The following SRCAP variants were observed in gnomAD, a reference collection of about 807,000 sequenced individuals.
SRCAP encodes chromatin remodeling protein SRCAP.
Under a neutral mutation model 263.1 loss-of-function variants are expected in SRCAP, and 46 were observed. The ratio of observed to expected loss-of-function variants is 0.17; its 90% CI spans 0.14 to 0.22. The LOEUF is 0.22. Ranked by LOEUF, SRCAP falls within the 10% of genes least tolerant of loss-of-function variation. The probability of loss-of-function intolerance (pLI) is 1.00; values close to 1 mark genes in which losing one functional copy is unlikely to be tolerated. For missense variants in SRCAP, 3,695 were observed against 4,181.9 expected, an observed-to-expected ratio of 0.88 and a Z score of 3.21; for synonymous variants, 1,813 against 1,662.1, an observed-to-expected ratio of 1.09 and a Z score of -2.21.
rs760413812 is a variant in SRCAP at position 30,710,417 on chromosome 16, A to G, written c.1134+289A>G. 2.8e-4 allele frequency: 181 copies of G among 655,396 alleles called. 1 individual carries two copies. The highest frequency in any genetic ancestry group is 4.2e-4 in the Non-Finnish European group (154 of 363,500). 40.6% of individuals were successfully genotyped at this position (655,396 alleles called of 1,614,324 possible). A position where few individuals can be genotyped will look rare whatever the true frequency, so the allele number is the denominator to read the frequency against. ...ACCGTTACTTGCCACTTCTCTGAAC[A>G]TGCCCTAATGTTCCCTTATTGGCTT... On this transcript the variant is annotated intron_variant, in intron 8 of 33. Coordinates refer to ENST00000262518, the MANE Select transcript of SRCAP (RefSeq NM_006662.3).
Position 30,733,581 on chromosome 16 carries a change from T to A in SRCAP, c.6298-21T>A, listed in dbSNP as rs1489384337. ...GGGGGATAAGTCTCCCAGTATCATC[T>A]TTTTTTCCCTTTCCTTCTAGGCCTT... is the stretch of plus-strand genomic sequence containing the variant. On this transcript the variant is annotated intron_variant, in intron 28 of 33. Coordinates refer to ENST00000262518, the MANE Select transcript of SRCAP (RefSeq NM_006662.3). The surrounding 1 kb of genome is among the most constrained non-coding windows in gnomAD (Gnocchi z 5.3). The A allele has an allele frequency of 6.2e-7, 1 of 1,604,286 alleles. No individual in the cohort carries two copies. The highest frequency in any genetic ancestry group is 1.3e-5 in the African/African-American group (1 of 74,602).
rs2053033543 is a variant in SRCAP at position 30,723,682 on chromosome 16, T to C, written c.4258T>C (p.Ser1420Pro). 1.2e-6 allele frequency: 2 copies of C among 1,613,844 alleles called. No individual in the cohort carries two copies. Among genetic ancestry groups the C allele is most frequent in the South Asian group, 1.1e-5 (1 of 91,076 alleles). Residue 1420 changes from serine to proline, a missense_variant, in exon 25 of 34, where the codon TCC (serine) becomes CCC (proline). Physicochemically the swap from Ser to Pro is moderately conservative, Grantham distance 74. Coordinates refer to ENST00000262518, the MANE Select transcript of SRCAP (RefSeq NM_006662.3). The stretch of plus-strand genomic sequence containing the variant: ...CTCTTCTCCAATGCCAATTCCCAAC[T>C]CCTCTCCCCTTGCTAGTCCTGTGTC... ...PASSPMPIPN[S>P]SPLASPVSST...
Position 30,720,237 on chromosome 16 carries a change from C to A in SRCAP, c.2893C>A (p.Pro965Thr), listed in dbSNP as rs2052997424. Residue 965 changes from proline to threonine, a missense_variant, in exon 19 of 34, where the codon CCC (proline) becomes ACC (threonine). Around this residue, in one of 12 missense-constraint regions of SRCAP, gnomAD observed 147 missense variants for 212.7 expected, o/e 0.69. Transcript: ENST00000262518. The part of the protein sequence containing the change: ...VSRYEADTFL[P>T]RHRLSRRVLL... Reference sequence around the variant, plus strand: ...TCGATATGAGGCAGACACATTTCTGCCCCGGCACCGCCTCTCTCGCCGGGT... The same window carrying A: ...TCGATATGAGGCAGACACATTTCTGACCCGGCACCGCCTCTCTCGCCGGGT... 1 of 1,614,056 alleles carries A rather than the reference C, an allele frequency of 6.2e-7. No homozygotes were observed. The highest frequency in any genetic ancestry group is 1.3e-5 in the African/African-American group (1 of 75,046).
chr16:30,738,993 C>T lies in SRCAP; in HGVS notation c.8953C>T (p.Pro2985Ser). ...CCCACTCCCACCACTGCTAGTTTGT[C>T]CCACTGCTACTGTTGCCAACACTGT... ...LTPLPPLLVC[P>S]TATVANTVTT... is the part of the protein sequence containing the mutation. The change falls in exon 34 of 34, where the codon CCC becomes TCC. Residue 2985 changes from proline to serine, a missense_variant. Coordinates refer to ENST00000262518, the MANE Select transcript of SRCAP (RefSeq NM_006662.3). The T allele has an allele frequency of 3.1e-6, 5 of 1,614,016 alleles. No individual in the cohort carries two copies. The highest frequency in any genetic ancestry group is 4.2e-6 in the Non-Finnish European group (5 of 1,179,950).
rs140349444 is a variant in SRCAP at position 30,712,438 on chromosome 16, A to G, written c.1992A>G (p.Lys664=). 6.3e-5 allele frequency: 98 copies of G among 1,567,962 alleles called. No individual in the cohort carries two copies. The highest frequency in any genetic ancestry group is 8.2e-5 in the Non-Finnish European group (95 of 1,159,192). The change falls in exon 13 of 34, where the codon AAA becomes AAG. Residue 664 remains lysine, a splice_region_variant and synonymous_variant. Transcript: ENST00000262518. ...TGCTTGCCCACTTGGCTTGTGAGAA[A>G]GGTAAGTAGGCAAGGCCCCTTCTTT... The part of the protein sequence containing the change: ...ISLLAHLACE[K]GNWGPHLIIV...
rs761674849 is a variant in SRCAP, at chr16:30,724,476, C to G, written c.5052C>G (p.Ala1684=). The G allele has an allele frequency of 1.9e-6, 3 of 1,614,220 alleles. No homozygotes were observed. In the South Asian group the frequency reaches 3.3e-5, roughly 18 times the overall value. ...CTTCTACGCAGACACTGGCCCTAGC[C>G]CCAGCTTTAGCACCCACTCTTGGAG... The part of the protein sequence containing the change: ...SPASTQTLAL[A]PALAPTLGGS... The change falls in exon 25 of 34, where the codon GCC becomes GCG. Residue 1684 remains alanine, a synonymous_variant. Transcript: ENST00000262518.
At chr16:30,716,643 T>C (rs1008496745) in intron 18 of SRCAP, among the ~76,000 whole-genome samples, 164 bp downstream of exon 18, 1 of 152,214 alleles carries the variant, frequency 6.6e-6, no homozygotes, top group Admixed American at 6.5e-5. Flanking sequence ...ATGGTTCAAC[T>C]TAATATTTTT....
intron 12 of SRCAP, 27 bp from the exon 13 acceptor site, chr16:30,712,235 G>T (rs200135514): frequency 1.3e-6 from 2 of 1,594,980 alleles, no homozygotes; most frequent in African/African-American, 2.7e-5. Context: ...CATTTCCATT[G>T]TGTTACCTAT....
intron 1 of SRCAP, 132 bp downstream of exon 1, chr16:30,699,374 C>G: frequency 2.5e-6 from 1 of 393,340 alleles, no homozygotes. Context: ...CTGTTTCCGG[C>G]GCGTGGTTCT....
chr16:30,735,861 G>A (rs1352661334), intron 31 of SRCAP, among the ~76,000 whole-genome samples: 1 of 151,534 alleles, frequency 6.6e-6, no homozygotes, highest in Non-Finnish European at 1.5e-5. Flanking sequence ...TTATAGGATT[G>A]AGCCACTGCG....
rs373319960 is a variant in SRCAP at position 30,710,058 on chromosome 16, C to T, written c.1064C>T (p.Ser355Leu). Reference sequence around the variant, plus strand: ...CCTTCCAGCCCCTCTCAAACCCCCTCATCTCATGATAGTGACACCCGAGAT... The same window carrying T: ...CCTTCCAGCCCCTCTCAAACCCCCTTATCTCATGATAGTGACACCCGAGAT... ...EGPSSPSQTP[S>L]SHDSDTRDGP... The change falls in exon 8 of 34, where the codon TCA (serine) becomes TTA (leucine). Residue 355 changes from serine to leucine, a missense_variant. Physicochemically the swap from Ser to Leu is moderately radical, Grantham distance 145 (BLOSUM62 -2). Around this residue, in one of 12 missense-constraint regions of SRCAP, gnomAD observed 288 missense variants for 302.4 expected, o/e 0.95. Transcript: ENST00000262518. 31 of 1,614,026 alleles carry T rather than the reference C, an allele frequency of 1.9e-5. No individual in the cohort carries two copies. The highest frequency in any genetic ancestry group is 2.5e-5 in the Non-Finnish European group (29 of 1,180,044).
Position 30,713,081 on chromosome 16 carries a change from A to AC in SRCAP, c.2131-127_2131-126insC, listed in dbSNP as rs2052910129. ...AGGCCCCTCCTCTTTCTGTCGCTCC[A>AC]TTCTTTTGCTGGGACTTTCTCTTTT... is the stretch of plus-strand genomic sequence containing the variant. On this transcript the variant is annotated intron_variant, in intron 14 of 33. Transcript: ENST00000262518. 5 of 1,136,424 alleles carry AC rather than the reference A, an allele frequency of 4.4e-6. No homozygotes were observed. In the East Asian group the frequency reaches 9.4e-5, roughly 21 times the overall value. The allele number at this position is 1,136,424 out of a possible 1,614,324, so 70.4% of individuals were successfully genotyped here. A position where few individuals can be genotyped will look rare whatever the true frequency, so the allele number is the denominator to read the frequency against.
In SRCAP at chr16:30,713,724, A is replaced by G. The variant is rs373123315; in HGVS notation, c.2493+13A>G. ...ACGCCTCCACAAGGTAGGGCCTGCA[A>G]CAGTTTGTCAGGGTATTGGGAATGG... On this transcript the variant is annotated intron_variant, in intron 16 of 33. Transcript: ENST00000262518. The G allele has an allele frequency of 1.9e-5, 31 of 1,612,380 alleles. No individual in the cohort carries two copies. Among genetic ancestry groups the G allele is most frequent in the Admixed American group, 5.0e-5 (3 of 59,960 alleles).
At chr16:30,706,197 G>A (rs1449163884) in intron 4 of SRCAP, among the ~76,000 whole-genome samples, 2 of 152,172 alleles carry the variant, frequency 1.3e-5, no homozygotes, top group African/African-American at 4.8e-5. Flanking sequence ...GGTGGTTTTC[G>A]CCTATAATCT....
chr16:30,717,481 C>G (rs1381804522), intron 18 of SRCAP, among the ~76,000 whole-genome samples: 3 of 151,692 alleles, frequency 2.0e-5, no homozygotes, highest in Non-Finnish European at 2.9e-5. Context: ...AGGTCTATCT[C>G]TGTCACCCAG....
At chr16:30,713,834 A>T (rs2052916587) in intron 16 of SRCAP, 123 bp downstream of exon 16, 2 of 844,968 alleles carry the variant, frequency 2.4e-6, no homozygotes, top group East Asian at 5.0e-5. Flanking sequence ...CTCCTTTGTC[A>T]AGCTGCAGTG....
At chr16:30,736,749 T>G (rs1329218668) in intron 33 of SRCAP, 125 bp downstream of exon 33, 1 of 1,040,106 alleles carries the variant, frequency 9.6e-7, no homozygotes, top group African/African-American at 1.6e-5. Context: ...CTCGGGTCAC[T>G]GCAGTCTCCG....
Position 30,712,161 on chromosome 16 carries a change from T to G in SRCAP, c.1815+4T>G. On this transcript the variant is annotated splice_donor_region_variant and intron_variant, in intron 12 of 33. Transcript: ENST00000262518. Reference sequence around the variant, plus strand: ...TTACACGCTGGCCACGACCCAGGTATCCCCAGGTTCTGGCCTCTCCTTTCT... The same window carrying G: ...TTACACGCTGGCCACGACCCAGGTAGCCCCAGGTTCTGGCCTCTCCTTTCT... The G allele has an allele frequency of 6.2e-7, 1 of 1,611,362 alleles. No individual in the cohort carries two copies. The highest frequency in any genetic ancestry group is 2.2e-5 in the East Asian group (1 of 44,818).
At position 30,739,405 on chromosome 16, in the gene SRCAP, T is replaced by G. The variant is rs373627980; in HGVS notation, c.9365T>G (p.Leu3122Arg). ...SLTPKLRSTRLRPGSLVPPLE... is the reference protein window; with the variant it reads ...SLTPKLRSTRRRPGSLVPPLE... ...ACCCCAAAACTGCGCTCGACCCGGC[T>G]GCGTCCAGGGTCTCTAGTCCCCCCA... Residue 3122 changes from leucine to arginine, a missense_variant, in exon 34 of 34, where the codon CTG (leucine) becomes CGG (arginine). By Grantham distance (102) the Leu-to-Arg change is moderately radical. Transcript: ENST00000262518. The G allele has an allele frequency of 9.9e-6, 16 of 1,614,098 alleles. No homozygotes were observed. The highest frequency in any genetic ancestry group is 1.4e-5 in the Non-Finnish European group (16 of 1,180,034).
Sources: allele counts gnomAD v4.1 joint callset (sites outside exome capture counted in the v4.1 genomes callset), GRCh38; gene constraint gnomAD v4.1.1; regional missense constraint gnomAD v4.1.1; non-coding constraint Gnocchi (gnomAD v3.1); transcripts MANE v1.5; gene names NCBI Gene and HGNC (gene_info 2026-07-23, HGNC 2026-07-21).